The following TXNRD1 variants were observed in gnomAD, a reference collection of about 807,000 sequenced individuals.
TXNRD1 encodes thioredoxin reductase 1, cytoplasmic.
A neutral mutation model predicts 80.3 loss-of-function variants in TXNRD1; 57 were observed. That is an observed-to-expected ratio of 0.71 (90% CI 0.57 to 0.89). The LOEUF (loss-of-function observed/expected upper bound fraction) is 0.89. Among genes scored for constraint, TXNRD1 ranks in the 40% least tolerant of loss-of-function variants. TXNRD1 has a pLI of 0.00. For missense variants in TXNRD1, 730 were observed against 803.0 expected (o/e 0.91, Z 1.10); for synonymous variants, 291 against 285.2 (o/e 1.02, Z -0.20).
intron 8 of TXNRD1, 87 bp downstream of exon 8, chr12:104,319,142 T>A: frequency 7.0e-7 from 1 of 1,429,066 alleles, no homozygotes; most frequent in Non-Finnish European, 9.4e-7. Flanking sequence ...AGTATTATAA[T>A]AAAAGTAATA....
At chr12:104,334,916 G>T (rs893987726) in intron 15 of TXNRD1, among the ~76,000 whole-genome samples, 1 of 151,976 alleles carries the variant, frequency 6.6e-6, no homozygotes, top group African/African-American at 2.4e-5. Flanking sequence ...TATAGAAGAG[G>T]AACAATAAAG....
chr12:104,339,593 T>C (rs2036255276), intron 16 of TXNRD1, among the ~76,000 whole-genome samples: 1 of 152,218 alleles, frequency 6.6e-6, no homozygotes. Context: ...TCTTAGTTAT[T>C]CCACAGCTAT....
At chr12:104,291,143 C>T in intron 4 of TXNRD1, 1 of 473,152 alleles carries the variant, frequency 2.1e-6, no homozygotes, top group South Asian at 2.0e-5. Flanking sequence ...ATCAAGAACA[C>T]TTAAAAGAAA....
intron 1 of TXNRD1, among the ~76,000 whole-genome samples, chr12:104,221,861 T>C (rs112544888): frequency 0.016 from 2,476 of 152,226 alleles, 42 homozygotes; most frequent in South Asian, 0.073. Flanking sequence ...ATTAATGGGT[T>C]GAAAATTAAA....
intron 4 of TXNRD1, chr12:104,304,957 C>T (rs764802723): frequency 1.3e-6 from 2 of 1,540,822 alleles, no homozygotes; most frequent in East Asian, 2.3e-5. Context: ...GTATAGCATC[C>T]TTTTTGTGTT....
intron 4 of TXNRD1, among the ~76,000 whole-genome samples, chr12:104,307,263 A>G (rs555034484): frequency 6.6e-6 from 1 of 152,344 alleles, no homozygotes; most frequent in East Asian, 1.9e-4. Context: ...TATACTGAAT[A>G]GAAATAACAT....
At chr12:104,257,263 C>T (rs960616889) in intron 2 of TXNRD1, among the ~76,000 whole-genome samples, 1 of 151,832 alleles carries the variant, frequency 6.6e-6, no homozygotes, top group Non-Finnish European at 1.5e-5. Context: ...TTAATAGTCT[C>T]AGAGCATAAT....
In TXNRD1 at chr12:104,311,273, C is replaced by A; in HGVS notation, c.415-17C>A. The A allele has an allele frequency of 1.3e-6, 2 of 1,559,416 alleles. No homozygotes were observed. The highest frequency in any genetic ancestry group is 1.7e-6 in the Non-Finnish European group (2 of 1,153,750). On this transcript the variant is annotated splice_polypyrimidine_tract_variant and intron_variant, in intron 4 of 16. Transcript: ENST00000525566. Reference sequence around the variant, plus strand: ...ATTTTAAGTTAAATTATTTTCTCTTCTGTTATTTTTCTTTAGGCTTATCAG... The same window carrying A: ...ATTTTAAGTTAAATTATTTTCTCTTATGTTATTTTTCTTTAGGCTTATCAG...
At chr12:104,219,146 C>A (rs2032289096) in intron 1 of TXNRD1, among the ~76,000 whole-genome samples, 1 of 151,910 alleles carries the variant, frequency 6.6e-6, no homozygotes, top group Admixed American at 6.6e-5. Flanking sequence ...TCTCACTAAG[C>A]AACAGCCCCA....
intron 10 of TXNRD1, among the ~76,000 whole-genome samples, chr12:104,322,115 ATAT>A (rs1257352602): frequency 6.6e-6 from 1 of 152,150 alleles, no homozygotes; most frequent in Non-Finnish European, 1.5e-5. Context: ...AATTCAGATA[ATAT>A]TCTGCCAGTT....
At chr12:104,257,949 G>A in intron 2 of TXNRD1, 70 bp from the exon 3 acceptor site, 1 of 1,213,470 alleles carries the variant, frequency 8.2e-7, no homozygotes, top group Non-Finnish European at 1.2e-6. Context: ...TAACAAAGCT[G>A]GATAAGAGAT....
At chr12:104,262,403 C>G (rs1367454392) in intron 3 of TXNRD1, 1 of 152,178 alleles carries the variant, frequency 6.6e-6, no homozygotes, top group Non-Finnish European at 1.5e-5. Flanking sequence ...GAGGTGTGAT[C>G]TGGTTCATGT....
rs939306369 is a variant in TXNRD1 at position 104,349,044 on chromosome 12, G to C, written c.*623G>C. 6 of 152,232 alleles carry C rather than the reference G, an allele frequency of 3.9e-5. No individual in the cohort carries two copies. Among genetic ancestry groups the C allele is most frequent in the Non-Finnish European group, 7.3e-5 (5 of 68,110 alleles). 9.4% of individuals were successfully genotyped at this position (152,232 alleles called of 1,614,324 possible). A position where few individuals can be genotyped will look rare whatever the true frequency, so the allele number is the denominator to read the frequency against. ...ATATTCCCAAAACAAGTACATCTGC[G>C]ATCAACTCTAGCCAAATTTGCCCCT... On this transcript the variant is annotated 3_prime_UTR_variant, in exon 17 of 17. Transcript: ENST00000525566.
Position 104,282,619 on chromosome 12 carries a change from T to TTGTG in TXNRD1, c.305-6301_305-6298dup, listed in dbSNP as rs34503220. Among the ~76,000 whole-genome samples the TTGTG allele has an allele frequency of 1.9e-3, 294 of 151,334 alleles. 3 individuals carry two copies. The highest frequency in any genetic ancestry group is 2.8e-3 in the Non-Finnish European group (193 of 67,784). ...TACAAAGAACTCTTTCAGAAAAGCT[T>TTGTG]TGTGTGTGTGTGTGAAGGAGAGCAA... On this transcript the variant is annotated intron_variant, in intron 3 of 16. Coordinates refer to ENST00000525566, the MANE Select transcript of TXNRD1 (RefSeq NM_001093771.3).
Position 104,312,488 on chromosome 12 carries a change from GCTTTA to G in TXNRD1, c.538-754_538-750del, listed in dbSNP as rs2035174743. Among the ~76,000 whole-genome samples, 6 of 152,334 alleles carry G rather than the reference GCTTTA, an allele frequency of 3.9e-5. No individual in the cohort carries two copies. The South Asian group carries it at 1.2e-3, about 32-fold the overall frequency. On this transcript the variant is annotated intron_variant, in intron 5 of 16. Coordinates refer to ENST00000525566, the MANE Select transcript of TXNRD1 (RefSeq NM_001093771.3). ...AGACCAGTATGTAGCATGAAGCAATGCTTTACTGAAAGTAATTGAGGAATAATACC... is the reference window on the plus strand; with the variant it reads ...AGACCAGTATGTAGCATGAAGCAATGCTGAAAGTAATTGAGGAATAATACC...
intron 1 of TXNRD1, among the ~76,000 whole-genome samples, chr12:104,240,236 C>G (rs1043117085): frequency 1.3e-5 from 2 of 152,172 alleles, no homozygotes; most frequent in African/African-American, 4.8e-5. Flanking sequence ...GAAAATGTTA[C>G]TGAATCAGAG....
intron 1 of TXNRD1, among the ~76,000 whole-genome samples, chr12:104,238,016 A>G (rs1339172582): frequency 6.6e-6 from 1 of 152,160 alleles, no homozygotes; most frequent in African/African-American, 2.4e-5. Flanking sequence ...ATCTCAAAAA[A>G]AAAAGAAAAA....
intron 3 of TXNRD1, among the ~76,000 whole-genome samples, chr12:104,284,911 C>G (rs538526913): frequency 1.3e-5 from 2 of 152,186 alleles, no homozygotes; most frequent in Non-Finnish European, 2.9e-5. Flanking sequence ...CACAGTGGCT[C>G]ACACCTGTAA....
Position 104,294,627 on chromosome 12 carries a change from C to T in TXNRD1, c.414+5587C>T, listed in dbSNP as rs140884930. Among the ~76,000 whole-genome samples, 972 of 152,310 alleles carry T rather than the reference C, an allele frequency of 6.4e-3. 9 individuals carry two copies. Among genetic ancestry groups the T allele is most frequent in the African/African-American group, 0.022 (917 of 41,566 alleles). ...TGTTTTATATTATACTGGAACAGCT[C>T]GTGTCCTCTGTCTCTTGCCTCGGTG... On this transcript the variant is annotated intron_variant, in intron 4 of 16. Transcript: ENST00000525566.
Sources: allele counts gnomAD v4.1 joint callset (sites outside exome capture counted in the v4.1 genomes callset), GRCh38; gene constraint gnomAD v4.1.1; transcripts MANE v1.5; gene names NCBI Gene and HGNC (gene_info 2026-07-23, HGNC 2026-07-21).